The following HECW2 variants were observed in gnomAD, a reference collection of about 807,000 sequenced individuals.
HECW2 encodes HECT, C2 and WW domain containing E3 ubiquitin protein ligase 2.
HECW2 carries 61 observed loss-of-function variants against 175.2 expected under a neutral mutation model. The ratio of observed to expected loss-of-function variants is 0.35; its 90% confidence interval spans 0.28 to 0.43. The LOEUF (loss-of-function observed/expected upper bound fraction) is 0.43, where lower values mean the gene tolerates loss of function less well. Among genes scored for constraint, HECW2 ranks in the 20% least tolerant of loss-of-function variants. The probability of loss-of-function intolerance (pLI) is 1.00; values close to 1 mark genes in which losing one functional copy is unlikely to be tolerated. For synonymous variants in HECW2, 671 were observed against 731.0 expected, an observed-to-expected ratio of 0.92 and a Z score of 1.32; for missense variants, 1,524 against 2,000.5, an observed-to-expected ratio of 0.76 and a Z score of 4.54.
chr2:196,215,356 G>A (rs1352979549), intron 28 of HECW2, among the ~76,000 whole-genome samples: 4 of 152,262 alleles, frequency 2.6e-5, no homozygotes, highest in Non-Finnish European at 2.9e-5. Context: ...CAACAGCAAA[G>A]CATTTTTTTT....
rs746605742 is a variant in HECW2, at chr2:196,194,556, C to A, written c.*6721G>T. 8 of 151,838 alleles carry A rather than the reference C, an allele frequency of 5.3e-5. No homozygotes were observed. The highest frequency in any genetic ancestry group is 1.0e-4 in the Non-Finnish European group (7 of 67,942). 9.4% of individuals were successfully genotyped at this position (151,838 alleles called of 1,614,324 possible). A position where few individuals can be genotyped will look rare whatever the true frequency, so the allele number is the denominator to read the frequency against. ...AGGGGTTCAGTTGAGAATAAGAATA[C>A]AGACTTCCCAGAAAATAAACAACTA... is the stretch of plus-strand genomic sequence containing the variant. On this transcript the variant is annotated 3_prime_UTR_variant, in exon 29 of 29. Transcript: ENST00000644978.
At chr2:196,491,141 G>A (rs1575601654) in intron 1 of HECW2, among the ~76,000 whole-genome samples, 1 of 152,004 alleles carries the variant, frequency 6.6e-6, no homozygotes, top group Non-Finnish European at 1.5e-5. Flanking sequence ...AGAAAAGTGT[G>A]AGTACACAGA....
At chr2:196,371,895 C>T (rs1693919359) in intron 2 of HECW2, among the ~76,000 whole-genome samples, 2 of 152,208 alleles carry the variant, frequency 1.3e-5, no homozygotes, top group South Asian at 4.1e-4. Context: ...TGTGAATCTA[C>T]CAACTTCTTT....
intron 1 of HECW2, chr2:196,493,414 G>C (rs1238852047): frequency 1.3e-5 from 2 of 152,088 alleles, no homozygotes; most frequent in African/African-American, 4.8e-5. Context: ...AAAAAAATTA[G>C]ATGACATAAA....
chr2:196,415,528 T>G (rs1695231065), intron 2 of HECW2, among the ~76,000 whole-genome samples: 1 of 140,532 alleles, frequency 7.1e-6, no homozygotes, highest in African/African-American at 2.8e-5. Flanking sequence ...GTGTAGTGTT[T>G]GCTGCTTCCT....
chr2:196,278,682 G>C lies in HECW2; in HGVS notation c.3001-20C>G. 1.2e-6 allele frequency: 2 copies of C among 1,613,632 alleles called. No homozygotes were observed. The highest frequency in any genetic ancestry group is 1.7e-6 in the Non-Finnish European group (2 of 1,179,636). Reference sequence around the variant, plus strand: ...GAATGCCTAGGATACAATACACTGAGTCAAATACATGCCGCTCACATGTCT... The same window carrying C: ...GAATGCCTAGGATACAATACACTGACTCAAATACATGCCGCTCACATGTCT... On this transcript the variant is annotated intron_variant, in intron 14 of 28. Coordinates refer to ENST00000644978, the MANE Select transcript of HECW2 (RefSeq NM_001348768.2).
At chr2:196,567,161 G>C (rs1361548100) in intron 1 of HECW2, among the ~76,000 whole-genome samples, 1 of 152,148 alleles carries the variant, frequency 6.6e-6, no homozygotes, top group Non-Finnish European at 1.5e-5. Context: ...TGTGGATGAG[G>C]CATCTCTGAC....
At chr2:196,402,760 CAAAT>C (rs1694855713) in intron 2 of HECW2, among the ~76,000 whole-genome samples, 1 of 149,550 alleles carries the variant, frequency 6.7e-6, no homozygotes, top group South Asian at 2.1e-4. Context: ...TATTGTAAAT[CAAAT>C]AAAGTAATCA....
chr2:196,294,444 C>T (rs936736401), intron 13 of HECW2, among the ~76,000 whole-genome samples: 8 of 152,148 alleles, frequency 5.3e-5, no homozygotes, highest in African/African-American at 1.9e-4. Flanking sequence ...GGACCTCTTC[C>T]AGCTTTATGG....
intron 2 of HECW2, among the ~76,000 whole-genome samples, chr2:196,370,086 A>G (rs901866945): frequency 1.3e-5 from 2 of 151,958 alleles, no homozygotes; most frequent in Non-Finnish European, 1.5e-5. Flanking sequence ...CTCAAGCAGA[A>G]GGAGTCCCTC....
chr2:196,250,260 T>TAG (rs1473088707), intron 19 of HECW2, among the ~76,000 whole-genome samples: 1 of 152,186 alleles, frequency 6.6e-6, no homozygotes, highest in East Asian at 1.9e-4. Context: ...CTTACTAAGA[T>TAG]AAAGTCCACT....
chr2:196,221,401 A>G (rs1468094427), intron 24 of HECW2, among the ~76,000 whole-genome samples: 5 of 152,182 alleles, frequency 3.3e-5, no homozygotes, highest in Admixed American at 6.5e-5. Context: ...CCTAAATAAG[A>G]ATATTAATTA....
chr2:196,490,458 G>C (rs1204581341), intron 1 of HECW2, among the ~76,000 whole-genome samples: 1 of 152,162 alleles, frequency 6.6e-6, no homozygotes, highest in African/African-American at 2.4e-5. Context: ...ACTCTAAAAA[G>C]TTATTCCAAC....
At chr2:196,304,334 T>C (rs994973294) in intron 13 of HECW2, among the ~76,000 whole-genome samples, 2 of 152,108 alleles carry the variant, frequency 1.3e-5, no homozygotes, top group Non-Finnish European at 2.9e-5. Context: ...TCTAAAATAG[T>C]GCCTCCTTGT....
chr2:196,529,378 T>G (rs1484024523), intron 1 of HECW2, among the ~76,000 whole-genome samples: 1 of 150,654 alleles, frequency 6.6e-6, no homozygotes. Context: ...AAAGGTATTT[T>G]ATTATTACTA....
intron 1 of HECW2, among the ~76,000 whole-genome samples, chr2:196,447,996 T>G (rs1291245339): frequency 2.0e-5 from 3 of 152,180 alleles, no homozygotes; most frequent in African/African-American, 7.2e-5. Context: ...GAGGCACAGG[T>G]TGCAGTGAGC....
chr2:196,561,432 C>G (rs1236724392), intron 1 of HECW2, among the ~76,000 whole-genome samples: 2 of 152,300 alleles, frequency 1.3e-5, no homozygotes, highest in East Asian at 3.9e-4. Flanking sequence ...CTTGTGATCC[C>G]GCCCTGACCT....
chr2:196,445,314 C>A (rs1327171299), intron 1 of HECW2, among the ~76,000 whole-genome samples: 2 of 152,132 alleles, frequency 1.3e-5, no homozygotes, highest in African/African-American at 2.4e-5. Context: ...TTTTTTCCCC[C>A]AAACTTGGAG....
chr2:196,509,812 G>T (rs1190567856), intron 1 of HECW2, among the ~76,000 whole-genome samples: 1 of 152,200 alleles, frequency 6.6e-6, no homozygotes, highest in African/African-American at 2.4e-5. Context: ...ACTCAAGTTT[G>T]TAGGCTTCCA....
Sources: allele counts gnomAD v4.1 joint callset (sites outside exome capture counted in the v4.1 genomes callset), GRCh38; gene constraint gnomAD v4.1.1; transcripts MANE v1.5; gene names NCBI Gene and HGNC (gene_info 2026-07-23, HGNC 2026-07-21).